AGBL2: variants seen among roughly 807,000 people sequenced by gnomAD.
The protein encoded by AGBL2 is AGBL carboxypeptidase 2.
In AGBL2, 87 loss-of-function variants were observed where a neutral mutation model predicts 103.0. The observed-to-expected ratio is 0.84, with a 90% confidence interval of 0.71 to 1.01. The LOEUF (loss-of-function observed/expected upper bound fraction) is 1.01, where lower values mean the gene tolerates loss of function less well. Ranked by LOEUF, AGBL2 falls within the 50% of genes least tolerant of loss-of-function variation. The pLI is 0.00. For missense variants in AGBL2, 904 were observed against 1,023.5 expected (o/e 0.88, Z 1.59); for synonymous variants, 335 against 356.7 (o/e 0.94, Z 0.69).
rs1233784958 is a variant in AGBL2 at position 47,690,373 on chromosome 11, G to A, written c.1334C>T (p.Thr445Ile). The A allele has an allele frequency of 1.2e-6, 2 of 1,614,018 alleles. No individual in the cohort carries two copies. The highest frequency in any genetic ancestry group is 2.2e-5 in the East Asian group (1 of 44,902). ...YLLTITNPSQ[T>I]PQEAAAKKAV... ...TTTCTTTGCAGCTGCCTCTTGAGGG[G>A]TCTGGGATGGGTTGGTGATGGTGAG... Residue 445 changes from threonine (T) to isoleucine (I), a missense_variant, in exon 10 of 19, where the codon ACC (threonine) becomes ATC (isoleucine). Transcript: ENST00000525123.
intron 14 of AGBL2, among the ~76,000 whole-genome samples, chr11:47,675,408 A>G (rs1412172363): frequency 1.1e-5 from 1 of 88,162 alleles, no homozygotes; most frequent in African/African-American, 4.6e-5. Flanking sequence ...TTTTGAGACC[A>G]GAGTCTCACT....
Position 47,686,072 on chromosome 11 carries a change from A to G in AGBL2, c.1632-23T>C, listed in dbSNP as rs368671238. ...AGTCTATTGAGGGGGCAAACAAAGG[A>G]CTCAGTGGACACCCAAATGCATACA... On this transcript the variant is annotated intron_variant, in intron 10 of 18. Transcript: ENST00000525123. The G allele has an allele frequency of 2.0e-5, 33 of 1,611,080 alleles. No homozygotes were observed. The African/African-American group carries it at 3.9e-4, about 19-fold the overall frequency.
chr11:47,671,243 G>T (rs558100829), intron 14 of AGBL2, among the ~76,000 whole-genome samples: 4 of 151,612 alleles, frequency 2.6e-5, no homozygotes, highest in Admixed American at 6.6e-5. Flanking sequence ...GGCCAGGCGC[G>T]GTGGCTCATG....
chr11:47,678,338 A>ATTTTTTTTT (rs1196435610), intron 13 of AGBL2, among the ~76,000 whole-genome samples: 8 of 95,284 alleles, frequency 8.4e-5, no homozygotes, highest in Non-Finnish European at 1.3e-4. Context: ...TTATTTTATT[A>ATTTTTTTTT]TTTTATTTTT....
At chr11:47,711,626 C>T (rs555764825) in intron 3 of AGBL2, among the ~76,000 whole-genome samples, 382 of 152,296 alleles carry the variant, frequency 2.5e-3, no homozygotes, top group Middle Eastern at 0.014. Flanking sequence ...CTCTGCCTCC[C>T]GGGTTCAAGC....
At chr11:47,707,426 G>A (rs1008412021) in intron 4 of AGBL2, among the ~76,000 whole-genome samples, 2 of 152,168 alleles carry the variant, frequency 1.3e-5, no homozygotes, top group African/African-American at 4.8e-5. Context: ...AGGCAAGGAG[G>A]AGCAAGTCAT....
At chr11:47,667,725 T>C in intron 15 of AGBL2, 29 bp from the exon 16 acceptor site, 2 of 1,603,366 alleles carry the variant, frequency 1.2e-6, no homozygotes, top group Non-Finnish European at 1.7e-6. Context: ...AAACTGGTCA[T>C]TGAAGATTCC....
At chr11:47,683,481 G>C (rs906039000) in intron 11 of AGBL2, among the ~76,000 whole-genome samples, 2 of 152,034 alleles carry the variant, frequency 1.3e-5, no homozygotes, top group Non-Finnish European at 2.9e-5. Context: ...GAAAAAGTCT[G>C]TAATATCGGT....
chr11:47,697,789 G>A (rs1291585536), intron 8 of AGBL2, among the ~76,000 whole-genome samples: 1 of 151,208 alleles, frequency 6.6e-6, no homozygotes, highest in African/African-American at 2.4e-5. Context: ...CTCGTCGTCC[G>A]CCCGCCTCAG....
intron 9 of AGBL2, among the ~76,000 whole-genome samples, chr11:47,691,099 C>A (rs376454446): frequency 2.0e-4 from 27 of 138,436 alleles, no homozygotes; most frequent in South Asian, 4.7e-4. Context: ...ACTAAATATA[C>A]AAAAAAAAAA....
In AGBL2 at chr11:47,683,070, G is replaced by A. The variant is rs191738414; in HGVS notation, c.1789-975C>T. On this transcript the variant is annotated intron_variant, in intron 11 of 18. Coordinates refer to ENST00000525123, the MANE Select transcript of AGBL2 (RefSeq NM_024783.4). Reference sequence around the variant, plus strand: ...AAAAAAGAAAAGAAAAAAGAGAAGAGAAGAGAAAGAGAAAGAGAGGCCGGG... The same window carrying A: ...AAAAAAGAAAAGAAAAAAGAGAAGAAAAGAGAAAGAGAAAGAGAGGCCGGG... Among the ~76,000 whole-genome samples the A allele has an allele frequency of 1.3e-3, 191 of 152,150 alleles. 1 individual carries two copies. Among genetic ancestry groups the A allele is most frequent in the Admixed American group, 4.1e-3 (62 of 15,246 alleles).
intron 9 of AGBL2, among the ~76,000 whole-genome samples, chr11:47,691,729 A>AAAAAAATATATAT: frequency 2.1e-4 from 1 of 4,856 alleles, no homozygotes; most frequent in Non-Finnish European, 3.6e-4. Context: ...AAAAAAAAAA[A>AAAAAAATATATAT]ATATATATAT....
intron 15 of AGBL2, among the ~76,000 whole-genome samples, 184 bp from the exon 16 acceptor site, chr11:47,667,880 A>AC (rs1554946451): frequency 1.3e-5 from 2 of 151,754 alleles, no homozygotes; most frequent in Non-Finnish European, 2.9e-5. Context: ...CCTACTTAAT[A>AC]CCCCCAAATC....
intron 4 of AGBL2, 172 bp downstream of exon 4, chr11:47,710,205 G>A: frequency 1.3e-6 from 1 of 777,490 alleles, no homozygotes; most frequent in East Asian, 2.7e-5. Flanking sequence ...ACAGTATTTT[G>A]ATTTAAACCT....
intron 13 of AGBL2, among the ~76,000 whole-genome samples, chr11:47,678,288 C>CTTTTATTT (rs1382376149): frequency 2.4e-5 from 3 of 123,926 alleles, no homozygotes; most frequent in Admixed American, 1.7e-4. Flanking sequence ...ATGCAATACT[C>CTTTTATTT]TATTTTATTT....
At chr11:47,694,032 T>C (rs2097457948) in intron 8 of AGBL2, among the ~76,000 whole-genome samples, 1 of 152,058 alleles carries the variant, frequency 6.6e-6, no homozygotes, top group Non-Finnish European at 1.5e-5. Context: ...TGATATACTC[T>C]GTACAAAAAA....
chr11:47,682,497 C>T (rs1231361563), intron 11 of AGBL2, among the ~76,000 whole-genome samples: 2 of 152,130 alleles, frequency 1.3e-5, no homozygotes, highest in Admixed American at 6.6e-5. Flanking sequence ...CTAGAACATC[C>T]GTTTGGCATT....
chr11:47,710,119 C>G, intron 4 of AGBL2: 1 of 397,264 alleles, frequency 2.5e-6, no homozygotes, highest in South Asian at 2.8e-5. Flanking sequence ...AAACTCCTAA[C>G]CTCAAGTGAT....
intron 15 of AGBL2, among the ~76,000 whole-genome samples, chr11:47,667,958 C>T (rs749443997): frequency 1.3e-5 from 2 of 152,122 alleles, no homozygotes; most frequent in African/African-American, 2.4e-5. Flanking sequence ...CCTGTAATCC[C>T]AACACTTGGG....
Sources: gnomAD v4.1 joint callset for allele counts (sites outside exome capture counted in the v4.1 genomes callset) on GRCh38, gnomAD v4.1.1 for gene constraint, MANE v1.5 for transcripts, NCBI Gene and HGNC (gene_info 2026-07-23, HGNC 2026-07-21) for gene names.